DYNLRB2: variants seen among roughly 807,000 people sequenced by gnomAD.
DYNLRB2 encodes bithoraxoid-like protein.
In DYNLRB2, 14 loss-of-function variants were observed where a neutral mutation model predicts 12.6. The ratio of observed to expected loss-of-function variants is 1.11; its 90% CI spans 0.73 to 1.73. The LOEUF (loss-of-function observed/expected upper bound fraction) is 1.73, where lower values mean the gene tolerates loss of function less well. Ranked by LOEUF, DYNLRB2 falls within the 40% of genes most tolerant of loss-of-function variation. DYNLRB2 has a pLI of 0.00. For synonymous variants in DYNLRB2, 53 were observed against 37.0 expected, an observed-to-expected ratio of 1.43 and a Z score of -1.57; for missense variants, 142 against 117.7, an observed-to-expected ratio of 1.21 and a Z score of -0.95.
intron 2 of DYNLRB2, among the ~76,000 whole-genome samples, chr16:80,547,040 A>G (rs1442116046): frequency 6.6e-6 from 1 of 152,228 alleles, no homozygotes; most frequent in African/African-American, 2.4e-5. Context: ...GAGATGACCA[A>G]GGACATATTC....
At chr16:80,548,392 A>AT (rs929645636) in intron 2 of DYNLRB2, among the ~76,000 whole-genome samples, 1 of 152,156 alleles carries the variant, frequency 6.6e-6, no homozygotes, top group African/African-American at 2.4e-5. Flanking sequence ...TCTGGCTAGA[A>AT]TTTTCCACTT....
chr16:80,550,319 A>C (rs1904763155), intron 3 of DYNLRB2, among the ~76,000 whole-genome samples, 196 bp from the exon 4 acceptor site: 1 of 152,212 alleles, frequency 6.6e-6, no homozygotes, highest in South Asian at 2.1e-4. Flanking sequence ...AAACCAATGA[A>C]ATCAGAATCT....
At chr16:80,550,088 C>T (rs1192751684) in intron 3 of DYNLRB2, among the ~76,000 whole-genome samples, 1 of 152,196 alleles carries the variant, frequency 6.6e-6, no homozygotes, top group Non-Finnish European at 1.5e-5. Flanking sequence ...ACACTCCTTT[C>T]CCTGAAGGAA....
chr16:80,549,368 T>A, intron 2 of DYNLRB2, 116 bp from the exon 3 acceptor site: 1 of 1,044,266 alleles, frequency 9.6e-7, no homozygotes, highest in Non-Finnish European at 1.3e-6. Flanking sequence ...CAGAGAGGGA[T>A]AAGCCATCAC....
chr16:80,550,772 T>C lies in DYNLRB2; in HGVS notation c.*214T>C. ...ATAAGTGAATTCTGGTATATACGTC[T>C]CTATTGTCTTATAATACACAAAACC... On this transcript the variant is annotated 3_prime_UTR_variant, in exon 4 of 4. Transcript: ENST00000305904. 1.7e-6 allele frequency: 1 copy of C among 573,942 alleles called. No individual in the cohort carries two copies. The highest frequency in any genetic ancestry group is 3.1e-6 in the Non-Finnish European group (1 of 326,808). The allele number at this position is 573,942 out of a possible 1,614,324, so 35.6% of individuals were successfully genotyped here.
intron 2 of DYNLRB2, among the ~76,000 whole-genome samples, chr16:80,547,272 C>T (rs1206415740): frequency 6.6e-6 from 1 of 152,144 alleles, no homozygotes; most frequent in African/African-American, 2.4e-5. Flanking sequence ...CAAACACAAA[C>T]ACATACATTC....
intron 1 of DYNLRB2, among the ~76,000 whole-genome samples, 155 bp from the exon 2 acceptor site, chr16:80,543,121 A>G (rs1904304226): frequency 6.6e-6 from 1 of 152,228 alleles, no homozygotes; most frequent in African/African-American, 2.4e-5. Flanking sequence ...GGGACTTGAC[A>G]ATTTCTAAGC....
intron 2 of DYNLRB2, chr16:80,547,807 G>A (rs1021550199): frequency 4.4e-6 from 2 of 456,446 alleles, no homozygotes; most frequent in African/African-American, 4.0e-5. Flanking sequence ...CTGCCTTCCA[G>A]AGAAAAAGTG....
chr16:80,550,810 A>G lies in DYNLRB2; in HGVS notation c.*252A>G. ...AATACACAAAACCAAGGATTCTACT[A>G]AGACAGCGCTCCTTGTGATAATTAT... On this transcript the variant is annotated 3_prime_UTR_variant, in exon 4 of 4. Coordinates refer to ENST00000305904, the MANE Select transcript of DYNLRB2 (RefSeq NM_130897.3). 1 of 506,248 alleles carries G rather than the reference A, an allele frequency of 2.0e-6. No individual in the cohort carries two copies. Among genetic ancestry groups the G allele is most frequent in the South Asian group, 3.1e-5 (1 of 32,564 alleles). The allele number at this position is 506,248 out of a possible 1,614,324, so 31.4% of individuals were successfully genotyped here. A position where few individuals can be genotyped will look rare whatever the true frequency, so the allele number is the denominator to read the frequency against.
chr16:80,540,737 G>A, upstream of DYNLRB2: 1 of 702,658 alleles, frequency 1.4e-6, no homozygotes, highest in Non-Finnish European at 2.6e-6. Context: ...CGAATAAGTG[G>A]TTATCACATT....
upstream of DYNLRB2, chr16:80,540,959 G>T (rs1285522283): frequency 6.4e-7 from 1 of 1,551,054 alleles, no homozygotes; most frequent in Non-Finnish European, 8.8e-7. Flanking sequence ...CGCAGGCGCA[G>T]CCCTGACGCT....
rs965779863 is a variant in DYNLRB2, at chr16:80,550,506, T to C, written c.248-9T>C. On this transcript the variant is annotated splice_polypyrimidine_tract_variant and intron_variant, in intron 3 of 3. Coordinates refer to ENST00000305904, the MANE Select transcript of DYNLRB2 (RefSeq NM_130897.3). Reference sequence around the variant, plus strand: ...TAAGGGTGAATTGATTTTATCCATCTCTCCATAGATAAGGAATATCTTCTG... The same window carrying C: ...TAAGGGTGAATTGATTTTATCCATCCCTCCATAGATAAGGAATATCTTCTG... 1.2e-6 allele frequency: 2 copies of C among 1,613,960 alleles called. No homozygotes were observed. The highest frequency in any genetic ancestry group is 1.7e-5 in the Admixed American group (1 of 60,004).
chr16:80,540,916 C>G (rs1597085771), upstream of DYNLRB2: 6 of 1,316,608 alleles, frequency 4.6e-6, no homozygotes, highest in Non-Finnish European at 6.4e-6. Flanking sequence ...GCATCAGGAG[C>G]GCGGTCAGGG....
chr16:80,542,339 C>G (rs186116730), intron 1 of DYNLRB2, among the ~76,000 whole-genome samples: 1 of 152,278 alleles, frequency 6.6e-6, no homozygotes, highest in East Asian at 1.9e-4. Flanking sequence ...AATCATGAAT[C>G]TAGTACACAA....
chr16:80,545,330 C>G (rs12597089), intron 2 of DYNLRB2, among the ~76,000 whole-genome samples: 91,711 of 152,090 alleles, frequency 0.6, 30,896 homozygotes, highest in East Asian at 0.83. Context: ...TAAATGTATC[C>G]TAACAGTAGG....
At chr16:80,546,169 T>C (rs916164241) in intron 2 of DYNLRB2, among the ~76,000 whole-genome samples, 1 of 152,220 alleles carries the variant, frequency 6.6e-6, no homozygotes, top group African/African-American at 2.4e-5. Flanking sequence ...TGTTTATTAA[T>C]GGCATATGGT....
chr16:80,540,933 A>T, upstream of DYNLRB2: 1 of 1,476,976 alleles, frequency 6.8e-7, no homozygotes, highest in African/African-American at 1.4e-5. Context: ...AGGGCGAAAA[A>T]GCCGACTCGC....
chr16:80,549,096 TTCA>T, intron 2 of DYNLRB2: 2 of 446,788 alleles, frequency 4.5e-6, no homozygotes, highest in Non-Finnish European at 9.1e-6. Context: ...CACAAAAATG[TTCA>T]TCATCACCCC....
chr16:80,550,611 C>T lies in DYNLRB2; in HGVS notation c.*53C>T. 1 of 1,581,624 alleles carries T rather than the reference C, an allele frequency of 6.3e-7. No homozygotes were observed. Among genetic ancestry groups the T allele is most frequent in the East Asian group, 2.2e-5 (1 of 44,688 alleles). ...GACACTGGGTTGGAAACACTTGGCT[C>T]TCTCATGAGTATTAAAATTCTATTT... On this transcript the variant is annotated 3_prime_UTR_variant, in exon 4 of 4. Coordinates refer to ENST00000305904, the MANE Select transcript of DYNLRB2 (RefSeq NM_130897.3).
Sources: gnomAD v4.1 joint callset for allele counts (sites outside exome capture counted in the v4.1 genomes callset) on GRCh38, gnomAD v4.1.1 for gene constraint, MANE v1.5 for transcripts, NCBI Gene and HGNC (gene_info 2026-07-23, HGNC 2026-07-21) for gene names.